Variants in MDGA2 observed in about 807,000 individuals in gnomAD.
MDGA2 encodes the protein MAM domain-containing glycosylphosphatidylinositol anchor protein 2.
Under a neutral mutation model 117.8 loss-of-function variants are expected in MDGA2, and 40 were observed. The observed-to-expected ratio is 0.34, with a 90% CI of 0.26 to 0.44. The LOEUF is 0.44. MDGA2 is among the 20% of genes least tolerant of loss of function. The probability of loss-of-function intolerance (pLI) is 1.00; values close to 1 mark genes in which losing one functional copy is unlikely to be tolerated. For synonymous variants in MDGA2, 452 were observed against 439.0 expected (o/e 1.03, Z -0.37); for missense variants, 1,123 against 1,250.6 (o/e 0.90, Z 1.54).
rs764700939 is a variant in MDGA2, at chr14:46,841,885, C to T, written c.*46G>A. 4 of 1,280,684 alleles carry T rather than the reference C, an allele frequency of 3.1e-6. No homozygotes were observed. The Admixed American group carries it at 7.5e-5, about 24-fold the overall frequency. The allele number at this position is 1,280,684 out of a possible 1,614,324, so 79.3% of individuals were successfully genotyped here. On this transcript the variant is annotated 3_prime_UTR_variant, in exon 17 of 17. Coordinates refer to ENST00000399232, the MANE Select transcript of MDGA2 (RefSeq NM_001113498.3). ...TGTCCATTTACAAAGACTCTTTCTTCATGCCAGTGCCTGGTGAATCTTTTA... is the reference window on the plus strand; with the variant it reads ...TGTCCATTTACAAAGACTCTTTCTTTATGCCAGTGCCTGGTGAATCTTTTA...
intron 1 of MDGA2, among the ~76,000 whole-genome samples, chr14:47,442,030 G>A (rs752822404): frequency 1.1e-4 from 14 of 131,580 alleles, no homozygotes; most frequent in Non-Finnish European, 2.0e-4. Flanking sequence ...GCAGTCTAGT[G>A]AAGAAAAGAT....
intron 1 of MDGA2, among the ~76,000 whole-genome samples, chr14:47,474,182 C>A (rs978852909): frequency 2.0e-5 from 3 of 152,036 alleles, no homozygotes; most frequent in Admixed American, 2.0e-4. Context: ...TTCCTATACA[C>A]CAATAAAAGG....
intron 3 of MDGA2, among the ~76,000 whole-genome samples, chr14:47,173,986 T>G (rs1044811009): frequency 4.6e-5 from 7 of 152,004 alleles, no homozygotes; most frequent in Admixed American, 6.6e-5. Flanking sequence ...AAAAAAGGCA[T>G]GGGTTGCAAT....
chr14:47,165,602 A>G (rs1177605493), intron 3 of MDGA2, among the ~76,000 whole-genome samples: 4 of 152,152 alleles, frequency 2.6e-5, no homozygotes, highest in Non-Finnish European at 5.9e-5. Flanking sequence ...GGAACTCTCG[A>G]AGGACCCTCA....
At chr14:47,351,964 T>TGC (rs765439169) in intron 1 of MDGA2, among the ~76,000 whole-genome samples, 10 of 151,756 alleles carry the variant, frequency 6.6e-5, no homozygotes, top group Admixed American at 1.3e-4. Flanking sequence ...CACATATGCA[T>TGC]ATATAATTCC....
chr14:46,980,220 A>G (rs1050623403), intron 8 of MDGA2, among the ~76,000 whole-genome samples: 2 of 152,216 alleles, frequency 1.3e-5, no homozygotes, highest in South Asian at 4.1e-4. Context: ...GTTGATCCCA[A>G]CACTCATGGA....
intron 5 of MDGA2, among the ~76,000 whole-genome samples, chr14:47,099,527 T>C (rs2138990370): frequency 6.6e-6 from 1 of 152,136 alleles, no homozygotes; most frequent in South Asian, 2.1e-4. Context: ...TAGGTTTCCA[T>C]AGCTACCCCT....
chr14:47,360,220 G>C (rs1891086802), intron 1 of MDGA2, among the ~76,000 whole-genome samples: 1 of 151,726 alleles, frequency 6.6e-6, no homozygotes. Flanking sequence ...ATGTGGTGGT[G>C]CATGCCTGTA....
chr14:47,057,704 T>A (rs1460905454), intron 7 of MDGA2, among the ~76,000 whole-genome samples: 1 of 144,248 alleles, frequency 6.9e-6, no homozygotes, highest in African/African-American at 2.5e-5. Context: ...TGCCTTGCCT[T>A]GCCTTACCTT....
intron 2 of MDGA2, among the ~76,000 whole-genome samples, chr14:47,238,647 A>G (rs988018461): frequency 2.0e-5 from 3 of 151,750 alleles, no homozygotes; most frequent in Non-Finnish European, 4.4e-5. Flanking sequence ...AAAATGTGGA[A>G]ATGCCATGTT....
chr14:47,315,002 G>T (rs1889761275), intron 1 of MDGA2, among the ~76,000 whole-genome samples: 1 of 152,002 alleles, frequency 6.6e-6, no homozygotes, highest in Non-Finnish European at 1.5e-5. Flanking sequence ...CAATGATGAT[G>T]CTTGGAAAAG....
At chr14:47,534,254 G>C (rs1895160707) in intron 1 of MDGA2, among the ~76,000 whole-genome samples, 1 of 152,192 alleles carries the variant, frequency 6.6e-6, no homozygotes, top group Admixed American at 6.5e-5. Context: ...GAGTAGAGGT[G>C]TGATTGAGGG....
intron 8 of MDGA2, among the ~76,000 whole-genome samples, chr14:46,964,538 G>C (rs1376740641): frequency 1.3e-5 from 2 of 152,158 alleles, no homozygotes; most frequent in Non-Finnish European, 2.9e-5. Context: ...AGACTGATTT[G>C]CTAGAACAAC....
At chr14:47,461,682 A>G (rs1335171989) in intron 1 of MDGA2, among the ~76,000 whole-genome samples, 1 of 151,528 alleles carries the variant, frequency 6.6e-6, no homozygotes, top group African/African-American at 2.4e-5. Flanking sequence ...TGAAAAAAAT[A>G]AAAACGAAAA....
intron 5 of MDGA2, among the ~76,000 whole-genome samples, chr14:47,102,117 A>C (rs2139006323): frequency 6.6e-6 from 1 of 152,302 alleles, no homozygotes; most frequent in South Asian, 2.1e-4. Flanking sequence ...TACAGTGTTA[A>C]TCATCTTTAC....
At chr14:47,107,324 TGC>T (rs1880760465) in intron 5 of MDGA2, among the ~76,000 whole-genome samples, 2 of 152,168 alleles carry the variant, frequency 1.3e-5, no homozygotes, top group African/African-American at 2.4e-5. Flanking sequence ...GTTCAGGATC[TGC>T]ACCTTATCAA....
intron 6 of MDGA2, among the ~76,000 whole-genome samples, chr14:47,064,574 C>T (rs890873156): frequency 6.6e-6 from 1 of 151,998 alleles, no homozygotes; most frequent in Non-Finnish European, 1.5e-5. Context: ...TGAGAATTTG[C>T]AACCTAATTC....
chr14:46,885,697 T>C (rs565559554), intron 10 of MDGA2, among the ~76,000 whole-genome samples: 1 of 152,286 alleles, frequency 6.6e-6, no homozygotes, highest in Non-Finnish European at 1.5e-5. Flanking sequence ...ATCATGAATA[T>C]TAGCAGAAGA....
chr14:47,456,834 T>C (rs1171293914), intron 1 of MDGA2, among the ~76,000 whole-genome samples: 2 of 152,150 alleles, frequency 1.3e-5, no homozygotes, highest in South Asian at 2.1e-4. Flanking sequence ...TGTGAATATG[T>C]TCTGGTTACA....
Sources: gnomAD v4.1 joint callset for allele counts (sites outside exome capture counted in the v4.1 genomes callset) on GRCh38, gnomAD v4.1.1 for gene constraint, MANE v1.5 for transcripts, NCBI Gene and HGNC (gene_info 2026-07-23, HGNC 2026-07-21) for gene names.